STAU2: variants seen among roughly 807,000 people sequenced by gnomAD.
The protein encoded by STAU2 is staufen double-stranded RNA binding protein 2, also known as double-stranded RNA-binding protein Staufen homolog 2.
In STAU2, 20 loss-of-function variants were observed where a neutral mutation model predicts 65.9. That is an observed-to-expected ratio of 0.30 (90% confidence interval 0.21 to 0.44). The LOEUF is 0.44. Among genes scored for constraint, STAU2 ranks in the 20% least tolerant of loss-of-function variants. The probability of loss-of-function intolerance (pLI) is 1.00; values close to 1 mark genes in which losing one functional copy is unlikely to be tolerated. For synonymous variants in STAU2, 232 were observed against 233.9 expected (o/e 0.99, Z 0.07); for missense variants, 558 against 683.9 (o/e 0.82, Z 2.05).
chr8:73,680,990 GA>G (rs1818391158), intron 5 of STAU2, among the ~76,000 whole-genome samples: 1 of 151,902 alleles, frequency 6.6e-6, no homozygotes, highest in Non-Finnish European at 1.5e-5. Flanking sequence ...CCAAACCTAA[GA>G]ATAAGTGGTG....
At chr8:73,735,934 T>C (rs1171232115) in intron 3 of STAU2, among the ~76,000 whole-genome samples, 1 of 152,206 alleles carries the variant, frequency 6.6e-6, no homozygotes, top group Non-Finnish European at 1.5e-5. Flanking sequence ...ACCAAATAAT[T>C]AATGGCAGGT....
At chr8:73,512,296 G>C (rs934699370) in intron 13 of STAU2, among the ~76,000 whole-genome samples, 21 of 152,122 alleles carry the variant, frequency 1.4e-4, no homozygotes, top group Non-Finnish European at 1.8e-4. Context: ...AAGCCTGCTG[G>C]GATTTTGACA....
chr8:73,451,975 T>C (rs754667737), intron 13 of STAU2, among the ~76,000 whole-genome samples: 8 of 152,186 alleles, frequency 5.3e-5, no homozygotes, highest in Non-Finnish European at 7.3e-5. Flanking sequence ...TTTTTGAAGG[T>C]TGGAAAACAA....
At chr8:73,546,272 G>T (rs1331143881) in intron 13 of STAU2, among the ~76,000 whole-genome samples, 1 of 151,884 alleles carries the variant, frequency 6.6e-6, no homozygotes, top group Non-Finnish European at 1.5e-5. Context: ...CAGCCAAGGA[G>T]TCAGAATTCT....
chr8:73,722,598 G>A (rs1345855915), intron 3 of STAU2, among the ~76,000 whole-genome samples: 1 of 151,978 alleles, frequency 6.6e-6, no homozygotes, highest in African/African-American at 2.4e-5. Flanking sequence ...TGCTTATATC[G>A]TTTCTGATAA....
intron 6 of STAU2, among the ~76,000 whole-genome samples, chr8:73,671,415 AC>A (rs1367117063): frequency 6.6e-6 from 1 of 152,008 alleles, no homozygotes; most frequent in Non-Finnish European, 1.5e-5. Context: ...AACAAAAAAA[AC>A]ACTACTTTTT....
intron 5 of STAU2, among the ~76,000 whole-genome samples, chr8:73,679,451 A>G (rs1818243448): frequency 6.6e-6 from 1 of 152,238 alleles, no homozygotes; most frequent in Admixed American, 6.5e-5. Context: ...AAACACCGTG[A>G]GTGCCCAAAG....
At chr8:73,610,630 G>T (rs1235583843) in intron 9 of STAU2, among the ~76,000 whole-genome samples, 1 of 151,400 alleles carries the variant, frequency 6.6e-6, no homozygotes, top group Non-Finnish European at 1.5e-5. Context: ...TGACAATTAA[G>T]TTATTCCTTG....
At chr8:73,556,960 C>A (rs1437016576) in intron 12 of STAU2, among the ~76,000 whole-genome samples, 1 of 152,064 alleles carries the variant, frequency 6.6e-6, no homozygotes, top group African/African-American at 2.4e-5. Flanking sequence ...GCCAATTTGA[C>A]AAATGGAGTG....
intron 12 of STAU2, among the ~76,000 whole-genome samples, chr8:73,552,746 C>T (rs986724289): frequency 1.3e-5 from 2 of 152,172 alleles, no homozygotes; most frequent in African/African-American, 4.8e-5. Context: ...AAGGCTGAAT[C>T]AGTCCAAATT....
At chr8:73,450,294 T>G (rs959469420) in intron 13 of STAU2, among the ~76,000 whole-genome samples, 6 of 152,238 alleles carry the variant, frequency 3.9e-5, no homozygotes, top group Admixed American at 3.9e-4. Flanking sequence ...GATAGTTGTA[T>G]GTCGACATAA....
rs1217990100 is a variant in STAU2 at position 73,433,516 on chromosome 8, T to C, written c.1531-10814A>G. Among the ~76,000 whole-genome samples, 11 of 150,814 alleles carry C rather than the reference T, an allele frequency of 7.3e-5. 1 individual carries two copies. Among genetic ancestry groups the C allele is most frequent in the African/African-American group, 2.7e-4 (11 of 40,608 alleles). ...ATCACGCCCCGCCTTTTTTTTTTTT[T>C]TTTTGACAGAGTCTGGCTCTGTTGC... is the stretch of plus-strand genomic sequence containing the variant. On this transcript the variant is annotated intron_variant, in intron 13 of 14. Coordinates refer to ENST00000524300, the MANE Select transcript of STAU2 (RefSeq NM_001164380.2).
chr8:73,713,427 C>A (rs1821033216), intron 3 of STAU2, among the ~76,000 whole-genome samples: 1 of 152,060 alleles, frequency 6.6e-6, no homozygotes, highest in Non-Finnish European at 1.5e-5. Context: ...ATAGAAGAAA[C>A]AGACACAGAC....
chr8:73,544,340 T>C (rs1354983573), intron 13 of STAU2, among the ~76,000 whole-genome samples: 1 of 152,228 alleles, frequency 6.6e-6, no homozygotes, highest in Non-Finnish European at 1.5e-5. Flanking sequence ...GTCTCTTTCT[T>C]GTCTAGTTCA....
chr8:73,569,951 G>A (rs912776294), intron 12 of STAU2, among the ~76,000 whole-genome samples: 18 of 152,328 alleles, frequency 1.2e-4, no homozygotes, highest in African/African-American at 4.3e-4. Flanking sequence ...GAAAAAAGCT[G>A]GATGGAGAAC....
chr8:73,615,615 T>C, intron 8 of STAU2, 60 bp downstream of exon 8: 1 of 1,298,962 alleles, frequency 7.7e-7, no homozygotes, highest in Non-Finnish European at 1.1e-6. Flanking sequence ...TAATTTGATT[T>C]GTTTGTTTAA....
intron 3 of STAU2, among the ~76,000 whole-genome samples, chr8:73,723,474 T>C (rs983297566): frequency 4.6e-5 from 7 of 152,258 alleles, no homozygotes; most frequent in Non-Finnish European, 7.3e-5. Flanking sequence ...TCTTAAAATA[T>C]ATTCTTCTGT....
intron 3 of STAU2, among the ~76,000 whole-genome samples, chr8:73,730,990 T>C (rs1806025040): frequency 6.6e-6 from 1 of 152,212 alleles, no homozygotes; most frequent in Non-Finnish European, 1.5e-5. Context: ...TGCAGTTAAG[T>C]TACTTGGAAT....
chr8:73,528,482 G>A (rs7016023), intron 13 of STAU2, among the ~76,000 whole-genome samples: 133,423 of 152,136 alleles, frequency 0.88, 58,771 homozygotes, highest in East Asian at 0.92. Context: ...GTTTGAGTCC[G>A]TCTTCCCATT....
Sources: allele counts gnomAD v4.1 joint callset (sites outside exome capture counted in the v4.1 genomes callset), GRCh38; gene constraint gnomAD v4.1.1; transcripts MANE v1.5; gene names NCBI Gene and HGNC (gene_info 2026-07-23, HGNC 2026-07-21).